PTCD3: variants seen among roughly 807,000 people sequenced by gnomAD.
PTCD3 encodes small ribosomal subunit protein mS39.
In PTCD3, 89 loss-of-function variants were observed where a neutral mutation model predicts 101.9. The observed-to-expected ratio is 0.87, with a 90% CI of 0.74 to 1.04. The LOEUF (loss-of-function observed/expected upper bound fraction) is 1.04. Ranked by LOEUF, PTCD3 falls within the 50% of genes least tolerant of loss-of-function variation. The pLI, the probability that PTCD3 is intolerant of heterozygous loss-of-function variation, is 0.00. For synonymous variants in PTCD3, 296 were observed against 278.5 expected (o/e 1.06, Z -0.63); for missense variants, 870 against 828.2 (o/e 1.05, Z -0.62).
chr2:86,106,753 C>T (rs752231944), intron 1 of PTCD3, among the ~76,000 whole-genome samples: 4 of 152,162 alleles, frequency 2.6e-5, no homozygotes, highest in Admixed American at 2.6e-4. Context: ...TCTCTGGTCG[C>T]CACCGTGGGG....
intron 14 of PTCD3, 75 bp from the exon 15 acceptor site, chr2:86,130,573 C>T: frequency 6.5e-7 from 1 of 1,529,876 alleles, no homozygotes; most frequent in Non-Finnish European, 8.8e-7. Flanking sequence ...GAAATGTGTC[C>T]CTTTGTATTA....
chr2:86,118,834 T>C (rs548627365), intron 6 of PTCD3, 87 bp from the exon 7 acceptor site: 40 of 1,416,590 alleles, frequency 2.8e-5, no homozygotes, highest in Non-Finnish European at 3.8e-5. Context: ...TACTTTGGTA[T>C]GTTGGTGATA....
chr2:86,115,048 C>T (rs1489071368), intron 4 of PTCD3, among the ~76,000 whole-genome samples: 1 of 152,178 alleles, frequency 6.6e-6, no homozygotes, highest in African/African-American at 2.4e-5. Context: ...AGTTTCCATA[C>T]TCCCAGAAGG....
chr2:86,118,589 G>A (rs1292525906), intron 6 of PTCD3, among the ~76,000 whole-genome samples: 2 of 152,174 alleles, frequency 1.3e-5, no homozygotes, highest in Non-Finnish European at 2.9e-5. Context: ...AATGCCTTTC[G>A]TCTCTGTATC....
At chr2:86,137,234 C>T in intron 23 of PTCD3, 94 bp downstream of exon 23, 1 of 1,420,770 alleles carries the variant, frequency 7.0e-7, no homozygotes, top group Non-Finnish European at 9.5e-7. Context: ...CCTTCTATTT[C>T]CTTTCAAAAA....
chr2:86,114,157 T>C lies in PTCD3; in HGVS notation c.241-2373T>C, dbSNP rs559583757. Reference sequence around the variant, plus strand: ...TCAGCAACAATATTTTGTGCCCTTATGATGCTTATCAAGCACTGTGCTGGA... The same window carrying C: ...TCAGCAACAATATTTTGTGCCCTTACGATGCTTATCAAGCACTGTGCTGGA... On this transcript the variant is annotated intron_variant, in intron 4 of 23. Coordinates refer to ENST00000254630, the MANE Select transcript of PTCD3 (RefSeq NM_017952.6). 7.9e-5 allele frequency among the ~76,000 whole-genome samples: 12 copies of C among 152,376 alleles called. No homozygotes were observed. In the South Asian group the frequency reaches 1.2e-3, roughly 16 times the overall value.
At chr2:86,131,688 G>A (rs1216261029) in intron 16 of PTCD3, among the ~76,000 whole-genome samples, 1 of 152,142 alleles carries the variant, frequency 6.6e-6, no homozygotes, top group Non-Finnish European at 1.5e-5. Context: ...CTTATCATAG[G>A]AAAAATTTCA....
At chr2:86,132,236 A>G (rs1674506265) in intron 16 of PTCD3, 82 bp from the exon 17 acceptor site, 1 of 758,236 alleles carries the variant, frequency 1.3e-6, no homozygotes, top group East Asian at 2.7e-5. Flanking sequence ...TATTTTCACA[A>G]GACACTCTAC....
rs539001691 is a variant in PTCD3 at position 86,127,787 on chromosome 2, G to C, written c.1097-154G>C. 1.4e-5 allele frequency: 9 copies of C among 649,526 alleles called. No homozygotes were observed. In the African/African-American group the frequency reaches 1.6e-4, roughly 12 times the overall value. 40.2% of individuals were successfully genotyped at this position (649,526 alleles called of 1,614,324 possible). A position where few individuals can be genotyped will look rare whatever the true frequency, so the allele number is the denominator to read the frequency against. The stretch of plus-strand genomic sequence containing the variant: ...TAGTTTTTTACCTTTACATTAATGA[G>C]TTGGAAAATAACTTTGTTCAAAGGA... On this transcript the variant is annotated intron_variant, in intron 13 of 23. Coordinates refer to ENST00000254630, the MANE Select transcript of PTCD3 (RefSeq NM_017952.6).
intron 9 of PTCD3, among the ~76,000 whole-genome samples, chr2:86,124,042 G>A (rs1558797323): frequency 6.6e-6 from 1 of 151,894 alleles, no homozygotes; most frequent in Non-Finnish European, 1.5e-5. Context: ...TCCTTTGGTA[G>A]TTTCATTAAC....
At chr2:86,135,817 G>T (rs890895846) in intron 21 of PTCD3, 17 of 475,018 alleles carry the variant, frequency 3.6e-5, no homozygotes, top group Non-Finnish European at 7.1e-5. Context: ...AGAGACGTAT[G>T]ACATTTGCAT....
chr2:86,137,246 T>C, intron 23 of PTCD3, 106 bp downstream of exon 23: 1 of 1,387,626 alleles, frequency 7.2e-7, no homozygotes, highest in Non-Finnish European at 9.7e-7. Context: ...TTTCAAAAAG[T>C]CAGAATGTAG....
intron 4 of PTCD3, among the ~76,000 whole-genome samples, chr2:86,115,733 G>T (rs534965244): frequency 2.0e-5 from 3 of 152,348 alleles, no homozygotes; most frequent in African/African-American, 4.8e-5. Context: ...GCATTTCTCA[G>T]TGGGGCCCCT....
chr2:86,121,448 G>C (rs752320057), intron 7 of PTCD3, 31 bp from the exon 8 acceptor site: 1 of 1,389,224 alleles, frequency 7.2e-7, no homozygotes, highest in South Asian at 1.3e-5. Context: ...TTGTTTCAAG[G>C]TTTCTTTATC....
intron 8 of PTCD3, among the ~76,000 whole-genome samples, chr2:86,122,483 C>T (rs1444991300): frequency 6.6e-6 from 1 of 151,198 alleles, no homozygotes; most frequent in Non-Finnish European, 1.5e-5. Context: ...GCTATCATAG[C>T]TTACTGCAGC....
chr2:86,135,230 CAAGT>C, intron 21 of PTCD3: 2 of 381,690 alleles, frequency 5.2e-6, no homozygotes, highest in South Asian at 9.1e-5. Flanking sequence ...TGTCTATGGA[CAAGT>C]AAGTCACTTA....
chr2:86,106,801 A>G (rs1032083251), intron 1 of PTCD3, among the ~76,000 whole-genome samples: 2 of 152,280 alleles, frequency 1.3e-5, no homozygotes, highest in African/African-American at 4.8e-5. Flanking sequence ...TCGTAAAAGC[A>G]GAAAAGTCTA....
intron 14 of PTCD3, among the ~76,000 whole-genome samples, chr2:86,128,409 G>A (rs146319024): frequency 2.1e-4 from 32 of 152,262 alleles, no homozygotes; most frequent in African/African-American, 7.2e-4. Flanking sequence ...GAATTGGGTA[G>A]AATATATTTT....
At chr2:86,122,077 G>C (rs971799205) in intron 8 of PTCD3, among the ~76,000 whole-genome samples, 1 of 152,114 alleles carries the variant, frequency 6.6e-6, no homozygotes, top group African/African-American at 2.4e-5. Flanking sequence ...AAATCCTTTG[G>C]ATCAGTCAAA....
Sources: gnomAD v4.1 joint callset for allele counts (sites outside exome capture counted in the v4.1 genomes callset) on GRCh38, gnomAD v4.1.1 for gene constraint, MANE v1.5 for transcripts, NCBI Gene and HGNC (gene_info 2026-07-23, HGNC 2026-07-21) for gene names.